Variants in MICAL2 observed in about 807,000 individuals in gnomAD.
MICAL2 encodes the protein microtubule associated monooxygenase, calponin and LIM domain containing 2.
Under a neutral mutation model 127.3 loss-of-function variants are expected in MICAL2, and 77 were observed. The observed-to-expected ratio is 0.60, with a 90% CI of 0.50 to 0.73. The LOEUF (loss-of-function observed/expected upper bound fraction) is 0.73, where lower values mean the gene tolerates loss of function less well. MICAL2 is among the 30% of genes least tolerant of loss of function. The pLI is 0.00. For missense variants in MICAL2, 1,351 were observed against 1,434.4 expected (o/e 0.94, Z 0.94); for synonymous variants, 570 against 551.1 (o/e 1.03, Z -0.48).
At chr11:12,357,425 CG>C (rs1295202249) in intron 34 of MICAL2, among the ~76,000 whole-genome samples, 9 of 152,306 alleles carry the variant, frequency 5.9e-5, no homozygotes, top group Middle Eastern at 3.4e-3. Context: ...GTCAGGTACT[CG>C]AGAAGACAAA....
At chr11:12,299,309 C>G (rs1864019835) in intron 29 of MICAL2, among the ~76,000 whole-genome samples, 1 of 152,126 alleles carries the variant, frequency 6.6e-6, no homozygotes, top group Non-Finnish European at 1.5e-5. Flanking sequence ...ACCAAACACA[C>G]ACTCACATAT....
intron 2 of MICAL2, among the ~76,000 whole-genome samples, chr11:12,154,552 G>A (rs1418081046): frequency 6.6e-6 from 1 of 152,198 alleles, no homozygotes; most frequent in Admixed American, 6.5e-5. Context: ...TATCACCACT[G>A]TTCACATCTG....
chr11:12,186,336 C>A (rs1039733630), intron 3 of MICAL2, among the ~76,000 whole-genome samples: 2 of 151,888 alleles, frequency 1.3e-5, no homozygotes. Context: ...GGCCTTAGAC[C>A]CTTTAAAAGT....
chr11:12,260,745 C>A, intron 26 of MICAL2: 1 of 985,450 alleles, frequency 1.0e-6, no homozygotes. Flanking sequence ...TACAGAAGCA[C>A]GGAGCAGTGT....
rs12285158 is a variant in MICAL2 at position 12,268,786 on chromosome 11, C to G, written c.3335-7200C>G. On this transcript the variant is annotated intron_variant, in intron 24 of 34. Transcript: ENST00000646065. ...TGGGCGGATCAGGAGGTTAGGAGATCGAGACCATCCTGGCTAACATGGTGA... is the reference window on the plus strand; with the variant it reads ...TGGGCGGATCAGGAGGTTAGGAGATGGAGACCATCCTGGCTAACATGGTGA... 6.9e-3 allele frequency among the ~76,000 whole-genome samples: 1,039 copies of G among 151,400 alleles called. 20 individuals are homozygous for G. The highest frequency in any genetic ancestry group is 0.024 in the African/African-American group (969 of 41,166).
At chr11:12,357,896 G>A (rs1401124932) in intron 34 of MICAL2, among the ~76,000 whole-genome samples, 1 of 152,134 alleles carries the variant, frequency 6.6e-6, no homozygotes, top group Non-Finnish European at 1.5e-5. Context: ...ACTGGTGCAG[G>A]TGGTTTACTT....
At chr11:12,246,631 C>A (rs1023947414) in intron 21 of MICAL2, among the ~76,000 whole-genome samples, 13 of 152,200 alleles carry the variant, frequency 8.5e-5, no homozygotes, top group Non-Finnish European at 1.8e-4. Flanking sequence ...GACAGGGTCT[C>A]TCTCTGTCAC....
At chr11:12,114,421 C>T (rs577593977) in intron 1 of MICAL2, among the ~76,000 whole-genome samples, 21 of 152,334 alleles carry the variant, frequency 1.4e-4, no homozygotes, top group African/African-American at 2.6e-4. Flanking sequence ...TTTGTTTGAA[C>T]GAGGATCCAG....
At chr11:12,174,521 T>G (rs1222202343) in intron 3 of MICAL2, among the ~76,000 whole-genome samples, 1 of 152,214 alleles carries the variant, frequency 6.6e-6, no homozygotes, top group Non-Finnish European at 1.5e-5. Context: ...ATTTCCTTCT[T>G]TTTAGGACTG....
downstream of MICAL2, chr11:12,293,895 A>C (rs1319731497): frequency 6.2e-7 from 1 of 1,605,722 alleles, no homozygotes; most frequent in Non-Finnish European, 8.5e-7. Flanking sequence ...GAAGACCGGG[A>C]AAAAGGGAGT....
chr11:12,245,711 G>C (rs1015158546), intron 21 of MICAL2, among the ~76,000 whole-genome samples: 1 of 152,256 alleles, frequency 6.6e-6, no homozygotes, highest in Non-Finnish European at 1.5e-5. Context: ...CTCCTCCTCA[G>C]TAAGAGTGGT....
chr11:12,138,528 G>A (rs865878836), intron 2 of MICAL2, 68 bp downstream of exon 2: 1 of 152,242 alleles, frequency 6.6e-6, no homozygotes, highest in African/African-American at 2.4e-5. Context: ...CCTAGGCTTA[G>A]GAAAGTGTGG....
intron 1 of MICAL2, among the ~76,000 whole-genome samples, chr11:12,280,262 T>A (rs1004970285): frequency 2.6e-4 from 40 of 152,138 alleles, no homozygotes; most frequent in African/African-American, 9.4e-4. Flanking sequence ...GATGAGCTTA[T>A]CTGACCAGAG....
chr11:12,284,626 T>A (rs1474414325), intron 2 of MICAL2, among the ~76,000 whole-genome samples: 1 of 152,128 alleles, frequency 6.6e-6, no homozygotes, highest in African/African-American at 2.4e-5. Flanking sequence ...TTTTTTTTTT[T>A]AGAAATGTCT....
chr11:12,126,210 G>A (rs1850908595), intron 1 of MICAL2, among the ~76,000 whole-genome samples: 1 of 152,250 alleles, frequency 6.6e-6, no homozygotes, highest in Non-Finnish European at 1.5e-5. Context: ...GCGTGCACCT[G>A]AGCCTCATGT....
In MICAL2 at chr11:12,222,748, G is replaced by C; in HGVS notation, c.1449+5G>C. ...CACTGTGTCAGGCCCCATCAGGCAA[G>C]TCCATTGCTGGGGCTCTGTCTGAAT... On this transcript the variant is annotated splice_donor_5th_base_variant and intron_variant, in intron 11 of 27. Coordinates refer to ENST00000683283, the MANE Select transcript of MICAL2 (RefSeq NM_001282663.2). The C allele has an allele frequency of 1.2e-6, 2 of 1,614,138 alleles. No homozygotes were observed. Among genetic ancestry groups the C allele is most frequent in the Non-Finnish European group, 1.7e-6 (2 of 1,180,020 alleles).
At chr11:12,184,686 G>A (rs1474806069) in intron 3 of MICAL2, among the ~76,000 whole-genome samples, 1 of 152,150 alleles carries the variant, frequency 6.6e-6, no homozygotes, top group East Asian at 1.9e-4. Flanking sequence ...CATTGTTTCA[G>A]TCAGTTGTGG....
At chr11:12,221,590 C>A in intron 9 of MICAL2, 54 bp from the exon 10 acceptor site, 1 of 1,285,014 alleles carries the variant, frequency 7.8e-7, no homozygotes, top group South Asian at 1.3e-5. Context: ...CCAATGAGAT[C>A]ATAGATCGGG....
At chr11:12,267,078 G>A (rs1456244303), downstream of MICAL2, among the ~76,000 whole-genome samples, 1 of 152,228 alleles carries the variant, frequency 6.6e-6, no homozygotes, top group Non-Finnish European at 1.5e-5. Context: ...CCAGGTTTCT[G>A]ATTCCCCAGC....
Sources: allele counts gnomAD v4.1 joint callset (sites outside exome capture counted in the v4.1 genomes callset), GRCh38; gene constraint gnomAD v4.1.1; transcripts MANE v1.5; gene names NCBI Gene and HGNC (gene_info 2026-07-23, HGNC 2026-07-21).